Variants in MACROD2 observed in about 807,000 individuals in gnomAD.
MACROD2 encodes the protein mono-ADP ribosylhydrolase 2, also known as ADP-ribose glycohydrolase MACROD2.
In MACROD2, 36 loss-of-function variants were observed where a neutral mutation model predicts 70.4. The observed-to-expected ratio is 0.51, with a 90% CI of 0.39 to 0.68. The LOEUF (loss-of-function observed/expected upper bound fraction) is 0.68. Ranked by LOEUF, MACROD2 falls within the 30% of genes least tolerant of loss-of-function variation. The pLI is 0.00. For missense variants in MACROD2, 496 were observed against 538.4 expected, an observed-to-expected ratio of 0.92 and a Z score of 0.78; for synonymous variants, 172 against 178.8, an observed-to-expected ratio of 0.96 and a Z score of 0.30.
chr20:15,012,003 C>T (rs1568529920), intron 5 of MACROD2, among the ~76,000 whole-genome samples: 1 of 152,104 alleles, frequency 6.6e-6, no homozygotes, highest in Non-Finnish European at 1.5e-5. Context: ...TTTGGTTGTT[C>T]CCTGTAGCCC....
At chr20:14,681,355 A>C (rs1020744132) in intron 4 of MACROD2, among the ~76,000 whole-genome samples, 1 of 152,228 alleles carries the variant, frequency 6.6e-6, no homozygotes, top group African/African-American at 2.4e-5. Context: ...GAAACAGTCT[A>C]ATGTCTATTC....
chr20:14,675,881 A>C (rs2070854605), intron 4 of MACROD2, among the ~76,000 whole-genome samples: 1 of 152,186 alleles, frequency 6.6e-6, no homozygotes, highest in South Asian at 2.1e-4. Flanking sequence ...AAAGCCAAAA[A>C]AAAGCAAGGG....
chr20:14,254,798 G>C (rs551187197), intron 3 of MACROD2, among the ~76,000 whole-genome samples: 1 of 152,138 alleles, frequency 6.6e-6, no homozygotes, highest in African/African-American at 2.4e-5. Context: ...ATGTTAGCTG[G>C]TTATTTTGCT....
chr20:15,701,427 T>C (rs2050456173), intron 8 of MACROD2, among the ~76,000 whole-genome samples: 1 of 152,106 alleles, frequency 6.6e-6, no homozygotes, highest in Admixed American at 6.5e-5. Flanking sequence ...CTTTCAATTA[T>C]TCGTAACCTT....
intron 5 of MACROD2, among the ~76,000 whole-genome samples, chr20:14,795,871 C>T (rs569945888): frequency 1.3e-5 from 2 of 151,992 alleles, no homozygotes; most frequent in Non-Finnish European, 2.9e-5. Context: ...CCTGTGAAAA[C>T]CAGGAGAGAC....
chr20:15,858,371 G>C (rs2064382354), intron 8 of MACROD2, among the ~76,000 whole-genome samples: 1 of 152,098 alleles, frequency 6.6e-6, no homozygotes, highest in Non-Finnish European at 1.5e-5. Context: ...CTAGTATGGG[G>C]CATATGGGCC....
intron 4 of MACROD2, among the ~76,000 whole-genome samples, chr20:14,570,285 TCAAAAG>T (rs1343532034): frequency 2.6e-5 from 4 of 152,062 alleles, no homozygotes; most frequent in African/African-American, 9.7e-5. Context: ...TGTGTAAACT[TCAAAAG>T]CAGGTTAAAC....
At chr20:14,469,040 C>T (rs779717224) in intron 3 of MACROD2, among the ~76,000 whole-genome samples, 6 of 151,996 alleles carry the variant, frequency 3.9e-5, no homozygotes, top group African/African-American at 9.7e-5. Context: ...CTTTACAATT[C>T]GGTATGTTTT....
At chr20:16,003,123 A>C (rs79896391) in intron 15 of MACROD2, among the ~76,000 whole-genome samples, 4,057 of 134,094 alleles carry the variant, frequency 0.03, 70 homozygotes, top group South Asian at 0.048. Flanking sequence ...CACACACACA[A>C]ACAATCTCTA....
At chr20:15,221,567 C>T (rs922307434) in intron 5 of MACROD2, among the ~76,000 whole-genome samples, 1 of 152,094 alleles carries the variant, frequency 6.6e-6, no homozygotes, top group Non-Finnish European at 1.5e-5. Flanking sequence ...AAAAAGGGAC[C>T]CTTACATGTA....
intron 8 of MACROD2, among the ~76,000 whole-genome samples, chr20:15,521,607 CTG>C (rs1449009351): frequency 6.6e-6 from 1 of 152,138 alleles, no homozygotes; most frequent in East Asian, 1.9e-4. Context: ...TTTTATGAAA[CTG>C]TGTAAAAATG....
At chr20:14,647,185 CT>C (rs1321916740) in intron 4 of MACROD2, among the ~76,000 whole-genome samples, 1 of 152,090 alleles carries the variant, frequency 6.6e-6, no homozygotes, top group Non-Finnish European at 1.5e-5. Flanking sequence ...ATTTATTTGG[CT>C]TTTCCTGAGT....
At chr20:14,466,008 T>A (rs963985525) in intron 3 of MACROD2, among the ~76,000 whole-genome samples, 1 of 152,034 alleles carries the variant, frequency 6.6e-6, no homozygotes, top group Non-Finnish European at 1.5e-5. Context: ...GACAATTATG[T>A]GTCTTGGAGT....
intron 8 of MACROD2, among the ~76,000 whole-genome samples, chr20:15,769,191 A>G (rs1388963613): frequency 1.3e-5 from 2 of 152,190 alleles, no homozygotes; most frequent in Non-Finnish European, 2.9e-5. Context: ...TCTCTCACCC[A>G]GGCTGGAGTG....
chr20:14,568,575 A>G (rs1979963861), intron 4 of MACROD2, among the ~76,000 whole-genome samples: 1 of 152,016 alleles, frequency 6.6e-6, no homozygotes, highest in African/African-American at 2.4e-5. Flanking sequence ...TTACCTCTGA[A>G]TATGTTCAGC....
chr20:15,666,156 T>C (rs1319493370), intron 8 of MACROD2, among the ~76,000 whole-genome samples: 1 of 152,188 alleles, frequency 6.6e-6, no homozygotes, highest in African/African-American at 2.4e-5. Flanking sequence ...GCAATAACAT[T>C]ACTTGACTGG....
At chr20:14,720,414 A>G (rs1275127576) in intron 5 of MACROD2, among the ~76,000 whole-genome samples, 1 of 151,804 alleles carries the variant, frequency 6.6e-6, no homozygotes, top group Non-Finnish European at 1.5e-5. Flanking sequence ...ATTCATCCTG[A>G]GTAATGTGCT....
In MACROD2 at chr20:14,326,863, C is replaced by A; in HGVS notation, c.272-166616C>A. ...GTTGAAGAAAACTTTGTCACCTAAA[C>A]CATGATTGTTCAACAGGTTTCCATC... On this transcript the variant is annotated intron_variant, in intron 3 of 17. Transcript: ENST00000684519. This position sits in a 1 kb window ranked among gnomAD's most constrained non-coding sequence, Gnocchi z 5.5. 6.2e-7 allele frequency: 1 copy of A among 1,613,722 alleles called. No individual in the cohort carries two copies. The highest frequency in any genetic ancestry group is 8.5e-7 in the Non-Finnish European group (1 of 1,179,786).
chr20:15,191,951 A>G (rs2076574314), intron 5 of MACROD2, among the ~76,000 whole-genome samples: 5 of 113,394 alleles, frequency 4.4e-5, no homozygotes. Flanking sequence ...GAGAGTTAAT[A>G]CATATATACA....
Sources: gnomAD v4.1 joint callset for allele counts (sites outside exome capture counted in the v4.1 genomes callset) on GRCh38, gnomAD v4.1.1 for gene constraint, Gnocchi (gnomAD v3.1) non-coding constraint, MANE v1.5 for transcripts, NCBI Gene and HGNC (gene_info 2026-07-23, HGNC 2026-07-21) for gene names.